NINL: variants seen among roughly 807,000 people sequenced by gnomAD.
NINL encodes ninein-like protein.
NINL carries 153 observed loss-of-function variants against 160.3 expected under a neutral mutation model. The observed-to-expected ratio is 0.95, with a 90% confidence interval of 0.84 to 1.09. NINL has a LOEUF of 1.09. NINL is among the 50% of genes least tolerant of loss of function. The probability of loss-of-function intolerance (pLI) is 0.00; values close to 1 mark genes in which losing one functional copy is unlikely to be tolerated. For missense variants in NINL, 1,829 were observed against 1,764.0 expected, an observed-to-expected ratio of 1.04 and a Z score of -0.66; for synonymous variants, 800 against 734.8, an observed-to-expected ratio of 1.09 and a Z score of -1.43.
At chr20:25,480,013 C>A (rs1601085756) in intron 15 of NINL, 148 bp downstream of exon 15, 6 of 639,080 alleles carry the variant, frequency 9.4e-6, no homozygotes, top group African/African-American at 3.7e-5. Flanking sequence ...TATTGCATTT[C>A]TCTACAAACT....
intron 1 of NINL, among the ~76,000 whole-genome samples, chr20:25,578,804 A>G (rs972037767): frequency 1.3e-5 from 2 of 151,656 alleles, no homozygotes; most frequent in Admixed American, 6.6e-5. Flanking sequence ...AAAAAAAAAA[A>G]AAAAAAAAGG....
chr20:25,460,877 G>A (rs1039197065), intron 21 of NINL, among the ~76,000 whole-genome samples: 7 of 152,128 alleles, frequency 4.6e-5, no homozygotes, highest in East Asian at 3.9e-4. Flanking sequence ...AGTGTGCCCC[G>A]CACCTGTGTC....
chr20:25,477,406 C>T (rs1385861804), intron 16 of NINL, among the ~76,000 whole-genome samples: 2 of 152,238 alleles, frequency 1.3e-5, no homozygotes, highest in African/African-American at 2.4e-5. Context: ...GTGCAGGCCA[C>T]GTTCCAAGCC....
chr20:25,523,800 G>GC (rs59800380), intron 2 of NINL, among the ~76,000 whole-genome samples: 25,056 of 151,724 alleles, frequency 0.17, 4,449 homozygotes, highest in African/African-American at 0.45. Context: ...GTGCCACCAC[G>GC]CCGGCTAATT....
intron 1 of NINL, among the ~76,000 whole-genome samples, chr20:25,584,883 C>T (rs560941504): frequency 9.2e-5 from 14 of 152,362 alleles, no homozygotes; most frequent in Non-Finnish European, 2.1e-4. Context: ...AGGAAAGGGG[C>T]GAATCTGCAA....
intron 1 of NINL, among the ~76,000 whole-genome samples, chr20:25,542,221 G>A (rs1288731393): frequency 6.6e-6 from 1 of 152,182 alleles, no homozygotes; most frequent in East Asian, 1.9e-4. Flanking sequence ...GGCTACAGAA[G>A]CTTCCCTCAA....
rs1027853836 is a variant in NINL at position 25,476,468 on chromosome 20, C to T, written c.2823G>A (p.Leu941=). The T allele has an allele frequency of 2.5e-6, 4 of 1,606,848 alleles. No individual in the cohort carries two copies. The Admixed American group carries it at 5.0e-5, about 20-fold the overall frequency. Residue 941 remains leucine (L), a synonymous_variant, in exon 17 of 24, where the codon CTG becomes CTA. Coordinates refer to ENST00000278886, the MANE Select transcript of NINL (RefSeq NM_025176.6). ...CGTCTCTCTCTGTTCCCAGCAGAGG[C>T]AGCTCCCGGGCTCCAGGCTGCTCCA... is the stretch of plus-strand genomic sequence containing the variant. The part of the protein sequence containing the change: ...AGLEQPGARE[L]PLLGTERDAS...
chr20:25,518,088 A>G (rs1453516233), intron 2 of NINL, among the ~76,000 whole-genome samples: 1 of 152,256 alleles, frequency 6.6e-6, no homozygotes, highest in Admixed American at 6.5e-5. Context: ...TTTGTAAATC[A>G]AACAACATAA....
At chr20:25,538,365 T>C (rs1000478858) in intron 1 of NINL, among the ~76,000 whole-genome samples, 2 of 152,212 alleles carry the variant, frequency 1.3e-5, no homozygotes, top group African/African-American at 4.8e-5. Context: ...GGGAGGAGTC[T>C]GCCAGGTCCT....
At chr20:25,548,965 G>A (rs1236598793) in intron 1 of NINL, among the ~76,000 whole-genome samples, 1 of 143,620 alleles carries the variant, frequency 7.0e-6, no homozygotes, top group Non-Finnish European at 1.5e-5. Flanking sequence ...CCTGACCCCA[G>A]CACCCACGGC....
chr20:25,520,019 G>A (rs1468937773), intron 2 of NINL, among the ~76,000 whole-genome samples: 60 of 77,254 alleles, frequency 7.8e-4, no homozygotes, highest in East Asian at 4.3e-3. Flanking sequence ...AAAAAAAAAA[G>A]GCCAGAGAGT....
In NINL at chr20:25,476,224, G is replaced by C. The variant is rs773964047; in HGVS notation, c.3067C>G (p.Pro1023Ala). The C allele has an allele frequency of 6.2e-7, 1 of 1,614,052 alleles. No individual in the cohort carries two copies. The highest frequency in any genetic ancestry group is 8.5e-7 in the Non-Finnish European group (1 of 1,179,998). ...GGGTCTGCGAGCTGGAGGTGGGATG[G>C]CAAGGACCCTCTCCTGGCAACCTCC... ...SVEVARRGSL[P>A]SHLQLADPQG... is the part of the protein sequence containing the mutation. The change falls in exon 17 of 24, where the codon CCA becomes GCA. Residue 1023 changes from proline (P) to alanine (A), a missense_variant. By Grantham distance (27) the Pro-to-Ala change is conservative. Coordinates refer to ENST00000278886, the MANE Select transcript of NINL (RefSeq NM_025176.6).
chr20:25,585,366 T>G (rs989640920), intron 1 of NINL, 89 bp downstream of exon 1: 7 of 152,108 alleles, frequency 4.6e-5, no homozygotes, highest in Admixed American at 6.5e-5. Flanking sequence ...GTCTGGTGAC[T>G]AAGGCGCGGG....
chr20:25,459,197 G>A (rs777821622), intron 21 of NINL, among the ~76,000 whole-genome samples: 20 of 152,210 alleles, frequency 1.3e-4, no homozygotes, highest in African/African-American at 2.4e-4. Context: ...ACCCCAAGAC[G>A]GAGTGGGAAT....
intron 1 of NINL, among the ~76,000 whole-genome samples, chr20:25,543,821 A>C (rs1309287996): frequency 6.6e-6 from 1 of 152,066 alleles, no homozygotes; most frequent in Non-Finnish European, 1.5e-5. Flanking sequence ...CGTCGTTTCC[A>C]TGAGGTGAGC....
Position 25,517,743 on chromosome 20 carries a change from A to G in NINL, c.277+10T>C, listed in dbSNP as rs2064186691. 1 of 1,563,044 alleles carries G rather than the reference A, an allele frequency of 6.4e-7. No individual in the cohort carries two copies. The highest frequency in any genetic ancestry group is 8.7e-7 in the Non-Finnish European group (1 of 1,150,806). ...ATAATGAAAAGAAAACACAGAGGAA[A>G]TCCTCTTACCTGATTCCAAAGAACT... is the stretch of plus-strand genomic sequence containing the variant. On this transcript the variant is annotated intron_variant, in intron 3 of 23. Coordinates refer to ENST00000278886, the MANE Select transcript of NINL (RefSeq NM_025176.6).
At chr20:25,506,103 A>C (rs947226639) in intron 5 of NINL, among the ~76,000 whole-genome samples, 1 of 152,306 alleles carries the variant, frequency 6.6e-6, no homozygotes, top group East Asian at 1.9e-4. Context: ...CTCTACTAAA[A>C]ATACAAAAAT....
At chr20:25,543,847 G>T (rs1350612575) in intron 1 of NINL, among the ~76,000 whole-genome samples, 2 of 152,020 alleles carry the variant, frequency 1.3e-5, no homozygotes, top group Non-Finnish European at 2.9e-5. Context: ...GTGGCCAATG[G>T]CAAACCTCTA....
chr20:25,574,343 G>A (rs1261578098), intron 1 of NINL, among the ~76,000 whole-genome samples: 1 of 151,588 alleles, frequency 6.6e-6, no homozygotes, highest in Non-Finnish European at 1.5e-5. Context: ...AGGGCCTTGT[G>A]CCCACCACCG....
Sources: gnomAD v4.1 joint callset for allele counts (sites outside exome capture counted in the v4.1 genomes callset) on GRCh38, gnomAD v4.1.1 for gene constraint, MANE v1.5 for transcripts, NCBI Gene and HGNC (gene_info 2026-07-23, HGNC 2026-07-21) for gene names.